The following SPAG17 variants were observed in gnomAD, a reference collection of about 807,000 sequenced individuals.
SPAG17 encodes the protein sperm associated antigen 17.
Under a neutral mutation model 273.6 loss-of-function variants are expected in SPAG17, and 169 were observed. That is an observed-to-expected ratio of 0.62 (90% CI 0.55 to 0.70). SPAG17 has a LOEUF of 0.70. Ranked by LOEUF, SPAG17 falls within the 30% of genes least tolerant of loss-of-function variation. SPAG17 has a pLI of 0.00. For synonymous variants in SPAG17, 825 were observed against 873.2 expected, an observed-to-expected ratio of 0.94 and a Z score of 0.97; for missense variants, 2,557 against 2,627.8, an observed-to-expected ratio of 0.97 and a Z score of 0.59.
Position 118,017,783 on chromosome 1 carries a change from A to G in SPAG17, c.4070-1601T>C, listed in dbSNP as rs141256455. ...AGGATGAGGATGGCAGTGAAAGGAT[A>G]AGAGAAAGAATCACATGCAGATCCT... On this transcript the variant is annotated intron_variant, in intron 28 of 48. Coordinates refer to ENST00000336338, the MANE Select transcript of SPAG17 (RefSeq NM_206996.4). Among the ~76,000 whole-genome samples, 23 of 152,316 alleles carry G rather than the reference A, an allele frequency of 1.5e-4. No individual in the cohort carries two copies. In the East Asian group the frequency reaches 4.4e-3, roughly 29 times the overall value.
At chr1:118,160,344 GT>G (rs1456929651) in intron 1 of SPAG17, among the ~76,000 whole-genome samples, 4 of 152,106 alleles carry the variant, frequency 2.6e-5, no homozygotes, top group African/African-American at 9.7e-5. Flanking sequence ...CTTTTGCTTT[GT>G]TTTTCTATCT....
At chr1:118,163,033 GAGAA>G (rs1362107314) in intron 1 of SPAG17, among the ~76,000 whole-genome samples, 1 of 152,188 alleles carries the variant, frequency 6.6e-6, no homozygotes, top group Non-Finnish European at 1.5e-5. Flanking sequence ...TGAGAAGAAA[GAGAA>G]AGAAATGGAA....
At chr1:118,095,832 G>A (rs913433720) in intron 7 of SPAG17, among the ~76,000 whole-genome samples, 5 of 152,154 alleles carry the variant, frequency 3.3e-5, no homozygotes, top group African/African-American at 9.7e-5. Context: ...ACATGAAATA[G>A]TGAAGGACAG....
intron 35 of SPAG17, 59 bp downstream of exon 35, chr1:117,994,347 C>T: frequency 6.6e-7 from 1 of 1,525,828 alleles, no homozygotes; most frequent in Admixed American, 2.0e-5. Flanking sequence ...GACTCTGGTC[C>T]ATTGCCCTTG....
intron 3 of SPAG17, among the ~76,000 whole-genome samples, chr1:118,137,444 T>G (rs1043611418): frequency 1.7e-4 from 26 of 152,340 alleles, no homozygotes; most frequent in African/African-American, 6.3e-4. Flanking sequence ...CCTGTTGGCC[T>G]AGCTCACCAT....
In SPAG17 at chr1:118,150,530, C is replaced by T; in HGVS notation, c.315+13G>A. Reference sequence around the variant, plus strand: ...AAAACACAAAAATATCTTCTATAAACACTTTCACTTACCTCATAATATAAA... The same window carrying T: ...AAAACACAAAAATATCTTCTATAAATACTTTCACTTACCTCATAATATAAA... On this transcript the variant is annotated intron_variant, in intron 3 of 48. Coordinates refer to ENST00000336338, the MANE Select transcript of SPAG17 (RefSeq NM_206996.4). The T allele has an allele frequency of 7.0e-7, 1 of 1,435,350 alleles. No individual in the cohort carries two copies. The highest frequency in any genetic ancestry group is 1.3e-5 in the South Asian group (1 of 75,874). The allele number at this position is 1,435,350 out of a possible 1,614,324, so 88.9% of individuals were successfully genotyped here. A position where few individuals can be genotyped will look rare whatever the true frequency, so the allele number is the denominator to read the frequency against.
intron 20 of SPAG17, among the ~76,000 whole-genome samples, chr1:118,047,094 A>T (rs1048688001): frequency 1.3e-5 from 2 of 152,210 alleles, no homozygotes; most frequent in Admixed American, 6.6e-5. Flanking sequence ...CTTGTGAATA[A>T]AATTTATTAT....
rs184368389 is a variant in SPAG17 at position 117,987,827 on chromosome 1, T to A, written c.5669+7A>T. On this transcript the variant is annotated splice_region_variant and intron_variant, in intron 40 of 48. Coordinates refer to ENST00000336338, the MANE Select transcript of SPAG17 (RefSeq NM_206996.4). ...AGGTCCTTATGTGCGTTTTGGGGTA[T>A]AATTACCTCGTTTTGTCTATCTTTT... 3.1e-6 allele frequency: 5 copies of A among 1,613,762 alleles called. No individual in the cohort carries two copies. Among genetic ancestry groups the A allele is most frequent in the African/African-American group, 2.7e-5 (2 of 74,914 alleles).
At chr1:118,144,836 T>C (rs562758367) in intron 3 of SPAG17, among the ~76,000 whole-genome samples, 1 of 152,228 alleles carries the variant, frequency 6.6e-6, no homozygotes, top group East Asian at 1.9e-4. Context: ...AAAATCACGT[T>C]GGCCAGGCTT....
chr1:118,117,294 G>C (rs993623936), intron 3 of SPAG17, among the ~76,000 whole-genome samples: 3 of 152,140 alleles, frequency 2.0e-5, no homozygotes, highest in African/African-American at 7.2e-5. Flanking sequence ...TGTGAAAACA[G>C]GATATTCACC....
intron 28 of SPAG17, 70 bp from the exon 29 acceptor site, chr1:118,016,252 T>G: frequency 8.0e-7 from 1 of 1,248,928 alleles, no homozygotes; most frequent in East Asian, 2.4e-5. Context: ...TCATTCACTA[T>G]GTTTTGACAC....
chr1:118,108,658 C>T (rs75413433), intron 4 of SPAG17, among the ~76,000 whole-genome samples: 2,252 of 151,714 alleles, frequency 0.015, 27 homozygotes, highest in Non-Finnish European at 0.025. Context: ...TTGAGGAACA[C>T]ATGTTCCCCA....
chr1:118,093,869 ACTAAGAAATC>A (rs1271647876), intron 7 of SPAG17, among the ~76,000 whole-genome samples: 3 of 152,196 alleles, frequency 2.0e-5, no homozygotes, highest in African/African-American at 7.2e-5. Flanking sequence ...ACAGCAAAAC[ACTAAGAAATC>A]CTAATAGACT....
intron 27 of SPAG17, among the ~76,000 whole-genome samples, 172 bp downstream of exon 27, chr1:118,025,066 T>C (rs955127200): frequency 5.3e-5 from 8 of 152,368 alleles, no homozygotes; most frequent in Admixed American, 2.0e-4. Context: ...TATCCTGCTC[T>C]GCATATAGTG....
chr1:118,011,037 G>A (rs552892911), intron 30 of SPAG17, among the ~76,000 whole-genome samples: 7 of 152,252 alleles, frequency 4.6e-5, no homozygotes, highest in African/African-American at 1.7e-4. Flanking sequence ...TCTCACATCA[G>A]TCAGAATGGC....
intron 4 of SPAG17, among the ~76,000 whole-genome samples, chr1:118,102,786 GT>G (rs1208283486): frequency 6.6e-6 from 1 of 152,194 alleles, no homozygotes; most frequent in Non-Finnish European, 1.5e-5. Context: ...CTGAAATGTT[GT>G]GGCAGTACTG....
intron 35 of SPAG17, 143 bp from the exon 36 acceptor site, chr1:117,992,791 A>G: frequency 1.4e-6 from 1 of 696,574 alleles, no homozygotes; most frequent in Non-Finnish European, 2.2e-6. Flanking sequence ...TTAACCTCAA[A>G]AAGTTCTGCA....
At chr1:118,081,387 T>A (rs774472592) in intron 14 of SPAG17, 28 bp downstream of exon 14, 1 of 1,612,170 alleles carries the variant, frequency 6.2e-7, no homozygotes, top group Admixed American at 1.7e-5. Context: ...AATACAAGAA[T>A]GCTTTCCATT....
At chr1:118,132,379 C>T (rs1374560786) in intron 3 of SPAG17, among the ~76,000 whole-genome samples, 4 of 152,040 alleles carry the variant, frequency 2.6e-5, no homozygotes, top group Non-Finnish European at 4.4e-5. Flanking sequence ...CTGTGGGTGC[C>T]GGGTTGGGCT....
Sources: allele counts gnomAD v4.1 joint callset (sites outside exome capture counted in the v4.1 genomes callset), GRCh38; gene constraint gnomAD v4.1.1; transcripts MANE v1.5; gene names NCBI Gene and HGNC (gene_info 2026-07-23, HGNC 2026-07-21).